Variants in CC2D2A observed in about 807,000 individuals in gnomAD.
The protein encoded by CC2D2A is coiled-coil and C2 domain containing 2A.
In CC2D2A, 155 loss-of-function variants were observed where a neutral mutation model predicts 212.9. The ratio of observed to expected loss-of-function variants is 0.73; its 90% confidence interval spans 0.64 to 0.83. The LOEUF (loss-of-function observed/expected upper bound fraction) is 0.83, where lower values mean the gene tolerates loss of function less well. Among genes scored for constraint, CC2D2A ranks in the 40% least tolerant of loss-of-function variants. CC2D2A has a pLI of 0.00. For missense variants in CC2D2A, 1,856 were observed against 1,956.2 expected, an observed-to-expected ratio of 0.95 and a Z score of 0.97; for synonymous variants, 667 against 686.5, an observed-to-expected ratio of 0.97 and a Z score of 0.44.
rs557505572 is a variant in CC2D2A, at chr4:15,579,002, CAACT to C, written c.3772-964_3772-961del. On this transcript the variant is annotated intron_variant, in intron 29 of 36. Coordinates refer to ENST00000424120, the MANE Select transcript of CC2D2A (RefSeq NM_001378615.1). ...GTTCTGAAATCCTTTAAAATGTAAC[CAACT>C]ATGAAAATATTTTTATACAAAAAAA... 8.0e-4 allele frequency among the ~76,000 whole-genome samples: 109 copies of C among 137,032 alleles called. 1 individual carries two copies. Among genetic ancestry groups the C allele is most frequent in the African/African-American group, 2.9e-3 (107 of 36,762 alleles). The allele number at this position is 137,032 out of a possible 152,430, so 89.9% of individuals were successfully genotyped here. A position where few individuals can be genotyped will look rare whatever the true frequency, so the allele number is the denominator to read the frequency against.
chr4:15,510,937 G>C (rs1274503236), intron 7 of CC2D2A, among the ~76,000 whole-genome samples: 1 of 152,190 alleles, frequency 6.6e-6, no homozygotes, highest in East Asian at 1.9e-4. Context: ...TAAATCCACT[G>C]TTTGTCATTT....
At chr4:15,524,447 A>ATTTT (rs71179636) in intron 11 of CC2D2A, among the ~76,000 whole-genome samples, 1 of 89,970 alleles carries the variant, frequency 1.1e-5, no homozygotes, top group Non-Finnish European at 2.1e-5. Context: ...AAAATTTTTA[A>ATTTT]TTTTTTTTTT....
chr4:15,570,453 G>C lies in CC2D2A; in HGVS notation c.3551G>C (p.Gly1184Ala). Reference protein sequence around the residue: ...IHTRIERHWLGCVKMPFSTIY... With the variant: ...IHTRIERHWLACVKMPFSTIY... ...ACTCGTATTGAGAGACACTGGCTGG[G>C]ATGTGTGAAAATGCCATTTAGCACA... The change falls in exon 28 of 37, where the codon GGA becomes GCA. Residue 1184 changes from glycine to alanine, a missense_variant. Physicochemically the swap from Gly to Ala is moderately conservative, Grantham distance 60. This residue lies in a region of CC2D2A where 1,512 missense variants were observed against 1,579.3 expected (regional missense o/e 0.96). Coordinates refer to ENST00000424120, the MANE Select transcript of CC2D2A (RefSeq NM_001378615.1). 1 of 1,609,122 alleles carries C rather than the reference G, an allele frequency of 6.2e-7. No homozygotes were observed. The highest frequency in any genetic ancestry group is 1.1e-5 in the South Asian group (1 of 89,976).
chr4:15,489,723 A>G (rs1715197688), intron 4 of CC2D2A, among the ~76,000 whole-genome samples: 1 of 152,194 alleles, frequency 6.6e-6, no homozygotes, highest in African/African-American at 2.4e-5. Context: ...TGTCCTTGCC[A>G]AGGTGACCAA....
Position 15,540,858 on chromosome 4 carries a change from G to C in CC2D2A, c.2025G>C (p.Glu675Asp), listed in dbSNP as rs756383263. Reference protein sequence around the residue: ...QCPRAEVSRREDVKKRSVYLK... With the variant: ...QCPRAEVSRRDDVKKRSVYLK... ...GCAGAGCGGAGGTCTCGAGAAGGGA[G>C]GATGTAAAGAAGCGCTCAGTGTACT... Residue 675 changes from glutamate to aspartate, a missense_variant, in exon 17 of 37, where the codon GAG (glutamate) becomes GAC (aspartate). Physicochemically the swap from Glu to Asp is conservative, Grantham distance 45. This residue lies in a region of CC2D2A where 1,512 missense variants were observed against 1,579.3 expected (regional missense o/e 0.96). Coordinates refer to ENST00000424120, the MANE Select transcript of CC2D2A (RefSeq NM_001378615.1). 6 of 1,600,750 alleles carry C rather than the reference G, an allele frequency of 3.7e-6. No individual in the cohort carries two copies. The African/African-American group carries it at 6.7e-5, about 18-fold the overall frequency.
At chr4:15,543,530 A>G (rs1718564263) in intron 17 of CC2D2A, 1 of 152,234 alleles carries the variant, frequency 6.6e-6, no homozygotes, top group South Asian at 2.1e-4. Context: ...TCCTTGATTT[A>G]TAACTCTGAA....
chr4:15,523,520 G>T (rs1717329939), intron 11 of CC2D2A, among the ~76,000 whole-genome samples: 1 of 152,176 alleles, frequency 6.6e-6, no homozygotes, highest in Non-Finnish European at 1.5e-5. Flanking sequence ...TTGTTAATCT[G>T]CTGCGTTCTA....
chr4:15,570,514 G>A lies in CC2D2A; in HGVS notation c.3594+18G>A. 6.7e-7 allele frequency: 1 copy of A among 1,495,186 alleles called. No individual in the cohort carries two copies. The highest frequency in any genetic ancestry group is 9.2e-7 in the Non-Finnish European group (1 of 1,081,214). 92.6% of individuals were successfully genotyped at this position (1,495,186 alleles called of 1,614,324 possible). On this transcript the variant is annotated intron_variant, in intron 28 of 36. Transcript: ENST00000424120. ...AAGCAAGGGTAAGTATCTAAAGTTAGAGGTCCATGAGAGCAGGGAATTTCT... is the reference window on the plus strand; with the variant it reads ...AAGCAAGGGTAAGTATCTAAAGTTAAAGGTCCATGAGAGCAGGGAATTTCT...
intron 17 of CC2D2A, among the ~76,000 whole-genome samples, chr4:15,541,850 C>G (rs578071783): frequency 1.3e-5 from 2 of 152,184 alleles, no homozygotes; most frequent in East Asian, 3.9e-4. Flanking sequence ...GAACCACTAA[C>G]TTGGTGGCTT....
At chr4:15,477,634 G>T (rs565953597) in intron 2 of CC2D2A, among the ~76,000 whole-genome samples, 2 of 152,096 alleles carry the variant, frequency 1.3e-5, no homozygotes, top group East Asian at 3.9e-4. Context: ...CTAAGTTGGC[G>T]AATCCCCTGA....
At position 15,492,731 on chromosome 4, in the gene CC2D2A, T is replaced by C. The variant is rs573966300; in HGVS notation, c.248-9698T>C. On this transcript the variant is annotated intron_variant, in intron 4 of 36. Coordinates refer to ENST00000424120, the MANE Select transcript of CC2D2A (RefSeq NM_001378615.1). ...CTGGTGGTCCAGGGGTCTTACTCCTTGGAGGCCATGTGGGCCATGAGGTCC... is the reference window on the plus strand; with the variant it reads ...CTGGTGGTCCAGGGGTCTTACTCCTCGGAGGCCATGTGGGCCATGAGGTCC... 6.5e-4 allele frequency: 527 copies of C among 808,428 alleles called. 4 individuals are homozygous for C. Among genetic ancestry groups the C allele is most frequent in the Non-Finnish European group, 1.1e-4 (54 of 491,494 alleles). The allele number at this position is 808,428 out of a possible 1,614,324, so 50.1% of individuals were successfully genotyped here. A position where few individuals can be genotyped will look rare whatever the true frequency, so the allele number is the denominator to read the frequency against.
intron 4 of CC2D2A, among the ~76,000 whole-genome samples, chr4:15,485,085 G>C (rs779287698): frequency 1.6e-4 from 25 of 152,190 alleles, no homozygotes; most frequent in Non-Finnish European, 2.9e-4. Flanking sequence ...AATATTTGGA[G>C]CTTGATAAAC....
At position 15,528,677 on chromosome 4, in the gene CC2D2A, T is replaced by C. The variant is rs1232533510; in HGVS notation, c.1417T>C (p.Ser473Pro). ...CCTTGATCCAGAAAAACCTCATCAGTCTCTCGATACCATCCAAAAAACCAT... is the reference window on the plus strand; with the variant it reads ...CCTTGATCCAGAAAAACCTCATCAGCCTCTCGATACCATCCAAAAAACCAT... ...TGLDPEKPHQ[S>P]LDTIQKTINE... is the part of the protein sequence containing the mutation. Residue 473 changes from serine to proline, a missense_variant, in exon 13 of 37, where the codon TCT (serine) becomes CCT (proline). Physicochemically the swap from Ser to Pro is moderately conservative, Grantham distance 74 (BLOSUM62 -1). Around this residue, in one of 5 missense-constraint regions of CC2D2A, gnomAD observed 1,512 missense variants for 1,579.3 expected, o/e 0.96. Coordinates refer to ENST00000424120, the MANE Select transcript of CC2D2A (RefSeq NM_001378615.1). The C allele has an allele frequency of 6.2e-7, 1 of 1,613,846 alleles. No homozygotes were observed.
chr4:15,489,720 G>C (rs1030254625), intron 4 of CC2D2A, among the ~76,000 whole-genome samples: 3 of 152,066 alleles, frequency 2.0e-5, no homozygotes, highest in African/African-American at 7.2e-5. Flanking sequence ...AAATGTCCTT[G>C]CCAAGGTGAC....
chr4:15,540,279 T>C (rs1245496171), intron 16 of CC2D2A, among the ~76,000 whole-genome samples: 1 of 151,832 alleles, frequency 6.6e-6, no homozygotes, highest in Admixed American at 6.6e-5. Context: ...TAAAGACCAA[T>C]GGGAGGTTGT....
intron 29 of CC2D2A, among the ~76,000 whole-genome samples, chr4:15,578,787 G>GGTTTGTTT (rs566721631): frequency 2.8e-5 from 4 of 142,032 alleles, no homozygotes; most frequent in African/African-American, 5.2e-5. Flanking sequence ...CACTACACCT[G>GGTTTGTTT]GTTTGTTTGT....
chr4:15,570,338 G>C (rs888220415), intron 27 of CC2D2A, 60 bp from the exon 28 acceptor site: 142 of 1,053,978 alleles, frequency 1.3e-4, no homozygotes, highest in Non-Finnish European at 2.0e-4. Context: ...CCTGCTGCCA[G>C]ATTAATTAAA....
In CC2D2A at chr4:15,601,488, A is replaced by C; in HGVS notation, c.*63A>C. Reference sequence around the variant, plus strand: ...CACTTAGGATATGAGAAAATTTTAAATTATATGCATCACATCAGAAGAACA... The same window carrying C: ...CACTTAGGATATGAGAAAATTTTAACTTATATGCATCACATCAGAAGAACA... On this transcript the variant is annotated 3_prime_UTR_variant, in exon 37 of 37. Transcript: ENST00000424120. 2 of 975,006 alleles carry C rather than the reference A, an allele frequency of 2.1e-6. No individual in the cohort carries two copies. The highest frequency in any genetic ancestry group is 2.9e-6 in the Non-Finnish European group (2 of 686,618). The allele number at this position is 975,006 out of a possible 1,614,324, so 60.4% of individuals were successfully genotyped here. A position where few individuals can be genotyped will look rare whatever the true frequency, so the allele number is the denominator to read the frequency against.
At chr4:15,524,552 G>A (rs1427200886) in intron 11 of CC2D2A, among the ~76,000 whole-genome samples, 10 of 148,294 alleles carry the variant, frequency 6.7e-5, no homozygotes, top group South Asian at 2.1e-4. Context: ...CCGGGTTCAC[G>A]CCATTCTCCT....
Sources: allele counts gnomAD v4.1 joint callset (sites outside exome capture counted in the v4.1 genomes callset), GRCh38; gene constraint gnomAD v4.1.1; regional missense constraint gnomAD v4.1.1; transcripts MANE v1.5; gene names NCBI Gene and HGNC (gene_info 2026-07-23, HGNC 2026-07-21).